ENPP6: variants seen among roughly 807,000 people sequenced by gnomAD.
ENPP6 encodes the protein glycerophosphocholine cholinephosphodiesterase ENPP6.
In ENPP6, 32 loss-of-function variants were observed where a neutral mutation model predicts 42.0. The observed-to-expected ratio is 0.76, with a 90% confidence interval of 0.58 to 1.02. The LOEUF (loss-of-function observed/expected upper bound fraction) is 1.02, where lower values mean the gene tolerates loss of function less well. Ranked by LOEUF, ENPP6 falls within the 50% of genes least tolerant of loss-of-function variation. The probability of loss-of-function intolerance (pLI) is 0.00; values close to 1 mark genes in which losing one functional copy is unlikely to be tolerated. For missense variants in ENPP6, 552 were observed against 566.8 expected (o/e 0.97, Z 0.27); for synonymous variants, 213 against 216.0 (o/e 0.99, Z 0.12).
chr4:184,125,707 T>C (rs4370183), intron 2 of ENPP6, among the ~76,000 whole-genome samples: 103,132 of 151,256 alleles, frequency 0.68, 35,452 homozygotes, highest in African/African-American at 0.74. Context: ...GAGCAAGGGC[T>C]CCTACAATCA....
chr4:184,170,082 T>C (rs2111091592), intron 1 of ENPP6, among the ~76,000 whole-genome samples: 1 of 152,356 alleles, frequency 6.6e-6, no homozygotes, highest in South Asian at 2.1e-4. Flanking sequence ...ACCCAGTCCA[T>C]ATTGAGTTTT....
At chr4:184,109,239 A>AC (rs1446698810) in intron 6 of ENPP6, among the ~76,000 whole-genome samples, 1,171 of 104,910 alleles carry the variant, frequency 0.011, 11 homozygotes, top group Admixed American at 0.02. Context: ...ACAACAAAAA[A>AC]AAACAAAACA....
intron 3 of ENPP6, among the ~76,000 whole-genome samples, chr4:184,118,381 AT>A (rs1199513941): frequency 6.6e-6 from 1 of 152,218 alleles, no homozygotes; most frequent in Admixed American, 6.5e-5. Context: ...AGTTTAACGA[AT>A]GAACTAATTC....
chr4:184,178,762 T>C (rs966526656), intron 1 of ENPP6, among the ~76,000 whole-genome samples: 4 of 152,208 alleles, frequency 2.6e-5, no homozygotes, highest in African/African-American at 9.7e-5. Context: ...CAGAATTTCA[T>C]ATCTGGCCAA....
At chr4:184,160,576 C>T (rs1737243266) in intron 1 of ENPP6, among the ~76,000 whole-genome samples, 1 of 152,162 alleles carries the variant, frequency 6.6e-6, no homozygotes, top group South Asian at 2.1e-4. Flanking sequence ...AGTGTGTGTG[C>T]ATGCACATAT....
rs1475401692 is a variant in ENPP6 at position 184,090,122 on chromosome 4, G to A, written c.*1055C>T. 1 of 152,218 alleles carries A rather than the reference G, an allele frequency of 6.6e-6. No individual in the cohort carries two copies. The highest frequency in any genetic ancestry group is 2.4e-5 in the African/African-American group (1 of 41,408). The allele number at this position is 152,218 out of a possible 1,614,324, so 9.4% of individuals were successfully genotyped here. ...AATTCTATGCCACTCAAAGACTGTT[G>A]TTGAGCAAGCCATGCTGCAGGGGTA... is the stretch of plus-strand genomic sequence containing the variant. On this transcript the variant is annotated 3_prime_UTR_variant, in exon 8 of 8. Coordinates refer to ENST00000296741, the MANE Select transcript of ENPP6 (RefSeq NM_153343.4).
intron 6 of ENPP6, among the ~76,000 whole-genome samples, chr4:184,109,905 T>C (rs1736171298): frequency 6.6e-6 from 1 of 152,120 alleles, no homozygotes; most frequent in Non-Finnish European, 1.5e-5. Flanking sequence ...TAATAGAACA[T>C]AACATGGTCA....
intron 1 of ENPP6, among the ~76,000 whole-genome samples, chr4:184,199,024 G>A (rs1732849747): frequency 6.6e-6 from 1 of 152,212 alleles, no homozygotes; most frequent in African/African-American, 2.4e-5. Flanking sequence ...GAACAGAGAA[G>A]GAGAGAGGCC....
At chr4:184,192,932 A>G (rs1346078884) in intron 1 of ENPP6, among the ~76,000 whole-genome samples, 1 of 152,218 alleles carries the variant, frequency 6.6e-6, no homozygotes, top group Non-Finnish European at 1.5e-5. Flanking sequence ...CTTTGATAAA[A>G]AAGACAATAA....
chr4:184,138,504 G>A (rs191341969), intron 2 of ENPP6, among the ~76,000 whole-genome samples: 1 of 151,616 alleles, frequency 6.6e-6, no homozygotes, highest in Non-Finnish European at 1.5e-5. Flanking sequence ...TGAACCATCT[G>A]TCTGGTGCTA....
chr4:184,097,479 G>T, intron 6 of ENPP6, 111 bp from the exon 7 acceptor site: 1 of 1,401,838 alleles, frequency 7.1e-7, no homozygotes, highest in Non-Finnish European at 9.6e-7. Flanking sequence ...TCTGCGCTCC[G>T]ACTGACCCAG....
chr4:184,162,822 G>C (rs950660948), intron 1 of ENPP6, among the ~76,000 whole-genome samples: 1 of 152,146 alleles, frequency 6.6e-6, no homozygotes, highest in East Asian at 1.9e-4. Context: ...GCAATAAACA[G>C]GCTGCACAGA....
intron 1 of ENPP6, among the ~76,000 whole-genome samples, chr4:184,217,265 G>A (rs955023401): frequency 6.6e-6 from 1 of 151,942 alleles, no homozygotes; most frequent in East Asian, 1.9e-4. Context: ...TAGAAAATAT[G>A]AGCCTCATTA....
intron 2 of ENPP6, among the ~76,000 whole-genome samples, chr4:184,146,163 T>C (rs1286441477): frequency 1.3e-5 from 2 of 152,082 alleles, no homozygotes; most frequent in Non-Finnish European, 2.9e-5. Context: ...CCAGGCGCAG[T>C]GGCTCACGCC....
At chr4:184,205,850 G>C (rs1732987444) in intron 1 of ENPP6, among the ~76,000 whole-genome samples, 1 of 152,314 alleles carries the variant, frequency 6.6e-6, no homozygotes, top group Non-Finnish European at 1.5e-5. Flanking sequence ...AGGGAGATCA[G>C]GAGGAACCAA....
intron 1 of ENPP6, among the ~76,000 whole-genome samples, chr4:184,181,355 C>G (rs932157871): frequency 6.6e-6 from 1 of 152,026 alleles, no homozygotes; most frequent in Non-Finnish European, 1.5e-5. Context: ...TCAAGGAAAT[C>G]AGAGAGGACA....
Position 184,091,105 on chromosome 4 carries a change from A to T in ENPP6, c.*72T>A. 1 of 1,407,496 alleles carries T rather than the reference A, an allele frequency of 7.1e-7. No individual in the cohort carries two copies. Among genetic ancestry groups the T allele is most frequent in the Non-Finnish European group, 9.5e-7 (1 of 1,051,748 alleles). 87.2% of individuals were successfully genotyped at this position (1,407,496 alleles called of 1,614,324 possible). On this transcript the variant is annotated 3_prime_UTR_variant, in exon 8 of 8. Transcript: ENST00000296741. ...TAATGAAGCTATTATTCACACATAA[A>T]ATGAAAATCATCTGGCTTTGGAGGC... is the stretch of plus-strand genomic sequence containing the variant.
At chr4:184,097,012 C>T (rs1735922227) in intron 7 of ENPP6, among the ~76,000 whole-genome samples, 1 of 152,188 alleles carries the variant, frequency 6.6e-6, no homozygotes, top group South Asian at 2.1e-4. Flanking sequence ...TCACTGCACT[C>T]AGGATTTAAA....
At chr4:184,118,929 C>T (rs895700026) in intron 3 of ENPP6, among the ~76,000 whole-genome samples, 3 of 152,212 alleles carry the variant, frequency 2.0e-5, no homozygotes, top group Non-Finnish European at 2.9e-5. Flanking sequence ...CTGAGTCTCC[C>T]ATCACCTTAT....
Sources: allele counts gnomAD v4.1 joint callset (sites outside exome capture counted in the v4.1 genomes callset), GRCh38; gene constraint gnomAD v4.1.1; transcripts MANE v1.5; gene names NCBI Gene and HGNC (gene_info 2026-07-23, HGNC 2026-07-21).